Variants in ADCY2 observed in about 807,000 individuals in gnomAD.
The protein encoded by ADCY2 is adenylate cyclase 2.
In ADCY2, 31 loss-of-function variants were observed where a neutral mutation model predicts 125.2. The observed-to-expected ratio is 0.25, with a 90% CI of 0.19 to 0.33. The LOEUF (loss-of-function observed/expected upper bound fraction) is 0.33, where lower values mean the gene tolerates loss of function less well. ADCY2 is among the 10% of genes least tolerant of loss of function. The probability of loss-of-function intolerance (pLI) is 1.00; values close to 1 mark genes in which losing one functional copy is unlikely to be tolerated. For synonymous variants in ADCY2, 512 were observed against 548.4 expected (o/e 0.93, Z 0.93); for missense variants, 904 against 1,418.2 (o/e 0.64, Z 5.82).
chr5:7,611,492 T>C lies in ADCY2; in HGVS notation c.571-14675T>C, dbSNP rs568598558. 2.6e-5 allele frequency among the ~76,000 whole-genome samples: 4 copies of C among 152,318 alleles called. No individual in the cohort carries two copies. The South Asian group carries it at 8.3e-4, about 32-fold the overall frequency. ...TGATTTTTTAGTGGCAGGTTTATTA[T>C]ATAATATATCCACTGGAAAAAATGG... On this transcript the variant is annotated intron_variant, in intron 3 of 24. Coordinates refer to ENST00000338316, the MANE Select transcript of ADCY2 (RefSeq NM_020546.3).
At chr5:7,639,074 T>C (rs1426725216) in intron 4 of ADCY2, among the ~76,000 whole-genome samples, 1 of 152,212 alleles carries the variant, frequency 6.6e-6, no homozygotes, top group East Asian at 1.9e-4. Flanking sequence ...GAACTGTAAG[T>C]CCATTAAACC....
intron 22 of ADCY2, among the ~76,000 whole-genome samples, chr5:7,815,876 T>A (rs939165930): frequency 6.6e-6 from 1 of 152,192 alleles, no homozygotes; most frequent in African/African-American, 2.4e-5. Context: ...AGAAGTTAAT[T>A]GCCTCGCTGT....
rs1408059692 is a variant in ADCY2, at chr5:7,741,739, A to C, written c.1872-1929A>C. Among the ~76,000 whole-genome samples the C allele has an allele frequency of 2.3e-4, 34 of 145,886 alleles. 1 individual carries two copies. Among genetic ancestry groups the C allele is most frequent in the Middle Eastern group, 3.5e-3 (1 of 288 alleles). ...CACCATCACTATCATCATCACCATC[A>C]CCATCACCATCACCATCCCTATCAC... is the stretch of plus-strand genomic sequence containing the variant. On this transcript the variant is annotated intron_variant, in intron 14 of 24. Coordinates refer to ENST00000338316, the MANE Select transcript of ADCY2 (RefSeq NM_020546.3).
intron 7 of ADCY2, among the ~76,000 whole-genome samples, chr5:7,704,824 G>A (rs1741211284): frequency 6.6e-6 from 1 of 150,560 alleles, no homozygotes; most frequent in African/African-American, 2.4e-5. Flanking sequence ...CTTGCAGTGA[G>A]CCGAGATCAC....
At chr5:7,619,138 A>G (rs1737866364) in intron 3 of ADCY2, among the ~76,000 whole-genome samples, 1 of 152,240 alleles carries the variant, frequency 6.6e-6, no homozygotes. Context: ...TTCTATAGGT[A>G]TCAGTGGCGA....
At chr5:7,612,227 G>C (rs1408485830) in intron 3 of ADCY2, among the ~76,000 whole-genome samples, 13 of 152,142 alleles carry the variant, frequency 8.5e-5, no homozygotes, top group Non-Finnish European at 7.3e-5. Flanking sequence ...TAGGTATTTA[G>C]AACATCATGC....
chr5:7,404,042 C>T (rs1739376018), intron 1 of ADCY2, among the ~76,000 whole-genome samples: 1 of 151,650 alleles, frequency 6.6e-6, no homozygotes, highest in Admixed American at 6.6e-5. Context: ...GCTTCAGTGT[C>T]TTTGATAGTA....
chr5:7,496,455 G>T (rs930764173), intron 2 of ADCY2, among the ~76,000 whole-genome samples: 2 of 152,130 alleles, frequency 1.3e-5, no homozygotes, highest in African/African-American at 4.8e-5. Flanking sequence ...AAGAAAAAAT[G>T]ATCACTAATT....
At position 7,757,518 on chromosome 5, in the gene ADCY2, C is replaced by T. The variant is rs745431093; in HGVS notation, c.2026C>T (p.Pro676Ser). The change falls in exon 16 of 25, where the codon CCC (proline) becomes TCC (serine). Residue 676 changes from proline (P) to serine (S), a missense_variant. By Grantham distance (74) the Pro-to-Ser change is moderately conservative. Coordinates refer to ENST00000338316, the MANE Select transcript of ADCY2 (RefSeq NM_020546.3). ...LKSSGIIANR[P>S]WPRISLTIIT... is the part of the protein sequence containing the mutation. ...GTCCTCGGGCATCATTGCCAACCGC[C>T]CCTGGCCACGGATCTCTCTCACGAT... 6.2e-6 allele frequency: 10 copies of T among 1,614,008 alleles called. No individual in the cohort carries two copies. In the South Asian group the frequency reaches 1.1e-4, roughly 18 times the overall value.
At chr5:7,606,844 T>A (rs985772126) in intron 3 of ADCY2, among the ~76,000 whole-genome samples, 22 of 152,226 alleles carry the variant, frequency 1.4e-4, no homozygotes, top group Admixed American at 2.0e-4. Flanking sequence ...GTGTTTTTTT[T>A]AAATATTCCT....
At chr5:7,707,950 C>A in intron 9 of ADCY2, 112 bp downstream of exon 9, 2 of 1,208,420 alleles carry the variant, frequency 1.7e-6, no homozygotes, top group Non-Finnish European at 2.3e-6. Flanking sequence ...TCTTTGTCCC[C>A]AAAATATTTT....
intron 2 of ADCY2, among the ~76,000 whole-genome samples, chr5:7,508,330 A>G (rs1743925060): frequency 6.6e-6 from 1 of 152,160 alleles, no homozygotes; most frequent in African/African-American, 2.4e-5. Flanking sequence ...CTCAGTGGCT[A>G]TTGCAATATA....
At chr5:7,598,756 A>C (rs1737097244) in intron 3 of ADCY2, among the ~76,000 whole-genome samples, 1 of 152,052 alleles carries the variant, frequency 6.6e-6, no homozygotes, top group African/African-American at 2.4e-5. Flanking sequence ...AGCAGCAGTG[A>C]TGTGTGACAC....
intron 2 of ADCY2, among the ~76,000 whole-genome samples, chr5:7,507,936 A>T (rs188288601): frequency 6.6e-6 from 1 of 152,170 alleles, no homozygotes; most frequent in African/African-American, 2.4e-5. Flanking sequence ...TTAAAAAAAA[A>T]CTTGCCAATA....
At chr5:7,447,532 TC>T (rs1000048487) in intron 2 of ADCY2, among the ~76,000 whole-genome samples, 2 of 152,136 alleles carry the variant, frequency 1.3e-5, no homozygotes, top group Admixed American at 6.5e-5. Context: ...TCTCCACACC[TC>T]CCCCTACCTC....
At chr5:7,577,605 A>G (rs1736289639) in intron 3 of ADCY2, among the ~76,000 whole-genome samples, 1 of 152,102 alleles carries the variant, frequency 6.6e-6, no homozygotes, top group Non-Finnish European at 1.5e-5. Flanking sequence ...AGCTGATGAA[A>G]CTTAGGAGAA....
At chr5:7,410,070 C>A (rs1739650502) in intron 1 of ADCY2, among the ~76,000 whole-genome samples, 1 of 152,114 alleles carries the variant, frequency 6.6e-6, no homozygotes, top group Non-Finnish European at 1.5e-5. Context: ...TAATTACTGT[C>A]ATTTGTGGTA....
chr5:7,636,691 A>G (rs547945579), intron 4 of ADCY2, among the ~76,000 whole-genome samples: 2 of 152,346 alleles, frequency 1.3e-5, no homozygotes, highest in African/African-American at 4.8e-5. Context: ...GCCAGAGAGA[A>G]TGGTTCAATA....
At chr5:7,532,965 T>C (rs1274492304) in intron 3 of ADCY2, among the ~76,000 whole-genome samples, 1 of 151,326 alleles carries the variant, frequency 6.6e-6, no homozygotes, top group Non-Finnish European at 1.5e-5. Flanking sequence ...CAAATGTTTT[T>C]ATATACACAT....
Sources: allele counts gnomAD v4.1 joint callset (sites outside exome capture counted in the v4.1 genomes callset), GRCh38; gene constraint gnomAD v4.1.1; transcripts MANE v1.5; gene names NCBI Gene and HGNC (gene_info 2026-07-23, HGNC 2026-07-21).